PKP1: variants seen among roughly 807,000 people sequenced by gnomAD.
PKP1 encodes plakophilin 1.
In PKP1, 27 loss-of-function variants were observed where a neutral mutation model predicts 76.4. The ratio of observed to expected loss-of-function variants is 0.35; its 90% CI spans 0.26 to 0.49. PKP1 has a LOEUF of 0.49. Ranked by LOEUF, PKP1 falls within the 20% of genes least tolerant of loss-of-function variation. PKP1 has a pLI of 0.99. For missense variants in PKP1, 964 were observed against 955.2 expected (o/e 1.01, Z -0.12); for synonymous variants, 404 against 384.2 (o/e 1.05, Z -0.60).
chr1:201,324,500 T>A lies in PKP1; in HGVS notation c.1753T>A (p.Ser585Thr). The A allele has an allele frequency of 6.2e-7, 1 of 1,614,134 alleles. No individual in the cohort carries two copies. The highest frequency in any genetic ancestry group is 1.1e-5 in the South Asian group (1 of 91,074). ...GLPQIARLLQ[S>T]GNSDVVRSGA... ...GCCACAAATTGCCCGCCTCCTGCAA[T>A]CTGGCAACTCTGATGTGGTGCGGTC... The change falls in exon 10 of 14, where the codon TCT (serine) becomes ACT (threonine). Residue 585 changes from serine to threonine, a missense_variant. Transcript: ENST00000367324.
intron 12 of PKP1, chr1:201,328,331 CT>C: frequency 3.2e-6 from 1 of 315,536 alleles, no homozygotes. Context: ...CCCCCTGCTC[CT>C]GTGTTTGAGA....
Position 201,324,965 on chromosome 1 carries a change from C to T in PKP1, c.1859C>T (p.Thr620Ile), listed in dbSNP as rs777930312. 1.5e-5 allele frequency: 25 copies of T among 1,613,592 alleles called. No homozygotes were observed. The Middle Eastern group carries it at 5.0e-4, about 32-fold the overall frequency. ...GGGAACCAGGTGTTCCCGGAGGTGACCAGGCTCCTCACCAGCCACACTGGC... is the reference window on the plus strand; with the variant it reads ...GGGAACCAGGTGTTCCCGGAGGTGATCAGGCTCCTCACCAGCCACACTGGC... ...VMGNQVFPEV[T>I]RLLTSHTGNT... Residue 620 changes from threonine to isoleucine, a missense_variant, in exon 11 of 14, where the codon ACC becomes ATC. Transcript: ENST00000367324.
chr1:201,320,658 C>T (rs186779612), intron 7 of PKP1, among the ~76,000 whole-genome samples: 315 of 152,358 alleles, frequency 2.1e-3, no homozygotes, highest in African/African-American at 7.4e-3. Context: ...TGGAAAGGGT[C>T]ATAATCATAT....
chr1:201,294,172 C>T, intron 2 of PKP1, 127 bp downstream of exon 2: 1 of 724,122 alleles, frequency 1.4e-6, no homozygotes, highest in South Asian at 1.5e-5. Flanking sequence ...AGTTGAGGCT[C>T]ATCAACTCTG....
intron 1 of PKP1, among the ~76,000 whole-genome samples, chr1:201,287,860 A>C (rs900576828): frequency 6.6e-6 from 1 of 152,242 alleles, no homozygotes; most frequent in African/African-American, 2.4e-5. Context: ...AAGATGTGTA[A>C]TGTTTGAACA....
chr1:201,322,252 G>A (rs1263504757), intron 8 of PKP1, 119 bp downstream of exon 8: 35 of 1,127,338 alleles, frequency 3.1e-5, no homozygotes, highest in South Asian at 1.5e-4. Context: ...TAAGGGACAG[G>A]CCCATGCTGA....
Position 201,283,779 on chromosome 1 carries a change from C to G in PKP1, c.77C>G (p.Pro26Arg). ...CAGGACAACTCCACGTTGGCTTTGC[C>G]GTCGGACCAAAAGATGAAAACAGGC... is the stretch of plus-strand genomic sequence containing the variant. ...QDQDNSTLAL[P>R]SDQKMKTGTS... Residue 26 changes from proline to arginine, a missense_variant, in exon 1 of 14, where the codon CCG (proline) becomes CGG (arginine). By Grantham distance (103) the Pro-to-Arg change is moderately radical. Coordinates refer to ENST00000367324, the MANE Select transcript of PKP1 (RefSeq NM_001005337.3). 6.2e-7 allele frequency: 1 copy of G among 1,614,174 alleles called. No homozygotes were observed. Among genetic ancestry groups the G allele is most frequent in the Non-Finnish European group, 8.5e-7 (1 of 1,180,006 alleles).
intron 12 of PKP1, among the ~76,000 whole-genome samples, chr1:201,328,106 T>G (rs1657205488): frequency 6.6e-6 from 1 of 152,202 alleles, no homozygotes; most frequent in Non-Finnish European, 1.5e-5. Flanking sequence ...AGCAGGACCC[T>G]CTTTTCAAGG....
chr1:201,323,933 C>A (rs904026733), intron 9 of PKP1, among the ~76,000 whole-genome samples: 1 of 152,118 alleles, frequency 6.6e-6, no homozygotes, highest in African/African-American at 2.4e-5. Context: ...CCATGTGGGC[C>A]CAGACCCTTT....
chr1:201,319,979 A>C, intron 6 of PKP1: 1 of 1,284,968 alleles, frequency 7.8e-7, no homozygotes, highest in East Asian at 2.3e-5. Context: ...AACTGAGTGC[A>C]AATGAGACCT....
rs554744943 is a variant in PKP1, at chr1:201,322,180, C to G, written c.1503+47C>G. The G allele has an allele frequency of 8.0e-5, 127 of 1,594,638 alleles. 1 individual carries two copies. The South Asian group carries it at 1.2e-3, about 15-fold the overall frequency. On this transcript the variant is annotated intron_variant, in intron 8 of 13. Transcript: ENST00000367324. ...CGGGGCCTGCCCCATCAAGCACCCCCCCAGGAGCCACTGCCTCATCTGCCC... is the reference window on the plus strand; with the variant it reads ...CGGGGCCTGCCCCATCAAGCACCCCGCCAGGAGCCACTGCCTCATCTGCCC...
chr1:201,300,151 G>A (rs1333346382), intron 2 of PKP1, among the ~76,000 whole-genome samples: 4 of 152,058 alleles, frequency 2.6e-5, no homozygotes, highest in Non-Finnish European at 5.9e-5. Flanking sequence ...TACTTGCCAA[G>A]GGACAGAATG....
rs772225565 is a variant in PKP1, at chr1:201,284,021, C to A, written c.202+117C>A. 476 of 963,404 alleles carry A rather than the reference C, an allele frequency of 4.9e-4. 1 individual carries two copies. Among genetic ancestry groups the A allele is most frequent in the Non-Finnish European group, 7.3e-4 (449 of 617,482 alleles). The allele number at this position is 963,404 out of a possible 1,614,324, so 59.7% of individuals were successfully genotyped here. ...ATGAGGGGAGGCGAGGGGCTGCCGGCCCCAGGCAGGGTCTACGCACCTAGT... is the reference window on the plus strand; with the variant it reads ...ATGAGGGGAGGCGAGGGGCTGCCGGACCCAGGCAGGGTCTACGCACCTAGT... On this transcript the variant is annotated intron_variant, in intron 1 of 13. Coordinates refer to ENST00000367324, the MANE Select transcript of PKP1 (RefSeq NM_001005337.3).
rs1312625224 is a variant in PKP1, at chr1:201,313,550, G to A, written c.691G>A (p.Ala231Thr). Reference protein sequence around the residue: ...NKDLSFGHSRASSKICSEDIE... With the variant: ...NKDLSFGHSRTSSKICSEDIE... Reference sequence around the variant, plus strand: ...GGACCTGTCCTTTGGCCACTCTAGGGCCAGCTCCAAGTGAGTGCTGCTGGG... The same window carrying A: ...GGACCTGTCCTTTGGCCACTCTAGGACCAGCTCCAAGTGAGTGCTGCTGGG... The change falls in exon 3 of 14, where the codon GCC becomes ACC. Residue 231 changes from alanine (A) to threonine (T), a missense_variant. Coordinates refer to ENST00000367324, the MANE Select transcript of PKP1 (RefSeq NM_001005337.3). The A allele has an allele frequency of 6.2e-7, 1 of 1,612,880 alleles. No homozygotes were observed. The highest frequency in any genetic ancestry group is 8.5e-7 in the Non-Finnish European group (1 of 1,179,182).
intron 2 of PKP1, among the ~76,000 whole-genome samples, chr1:201,304,571 A>G (rs6678155): frequency 6.6e-5 from 10 of 152,192 alleles, no homozygotes; most frequent in Non-Finnish European, 1.3e-4. Flanking sequence ...CACTTCTTAA[A>G]TGTCTTCAAG....
chr1:201,330,496 G>A lies in PKP1; in HGVS notation c.*455G>A, dbSNP rs372822124. 3 of 152,300 alleles carry A rather than the reference G, an allele frequency of 2.0e-5. 1 individual carries two copies. Among genetic ancestry groups the A allele is most frequent in the Admixed American group, 6.5e-5 (1 of 15,302 alleles). The allele number at this position is 152,300 out of a possible 1,614,324, so 9.4% of individuals were successfully genotyped here. ...TCCTGTGTTTCTTACTCATAGGCAA[G>A]GACAACATGTGCTTTTTGGTGAGCT... On this transcript the variant is annotated 3_prime_UTR_variant, in exon 14 of 14. Coordinates refer to ENST00000367324, the MANE Select transcript of PKP1 (RefSeq NM_001005337.3).
At position 201,323,035 on chromosome 1, in the gene PKP1, T is replaced by A; in HGVS notation, c.1526T>A (p.Leu509Gln). The A allele has an allele frequency of 6.2e-7, 1 of 1,614,096 alleles. No individual in the cohort carries two copies. Among genetic ancestry groups the A allele is most frequent in the Non-Finnish European group, 8.5e-7 (1 of 1,180,010 alleles). Residue 509 changes from leucine to glutamine, a missense_variant, in exon 9 of 14, where the codon CTG becomes CAG. Leu to Gln is a moderately radical substitution (Grantham distance 113). Coordinates refer to ENST00000367324, the MANE Select transcript of PKP1 (RefSeq NM_001005337.3). ...CAGAACAACAACTATGACTGCCCCC[T>A]GCCTGAGGAAGAGACCAACCCCAAG... ...KMMNNNYDCPLPEEETNPKGS... is the reference protein window; with the variant it reads ...KMMNNNYDCPQPEEETNPKGS...
intron 2 of PKP1, among the ~76,000 whole-genome samples, chr1:201,308,224 A>G (rs1030516573): frequency 1.3e-5 from 2 of 152,170 alleles, no homozygotes; most frequent in African/African-American, 4.8e-5. Flanking sequence ...CCCTGCCTAG[A>G]ACGGCCCTAC....
chr1:201,300,300 A>G (rs1320452877), intron 2 of PKP1, among the ~76,000 whole-genome samples: 1 of 152,328 alleles, frequency 6.6e-6, no homozygotes, highest in Admixed American at 6.5e-5. Flanking sequence ...ATTAAACTGA[A>G]GGAGAAGCCT....
Sources: allele counts gnomAD v4.1 joint callset (sites outside exome capture counted in the v4.1 genomes callset), GRCh38; gene constraint gnomAD v4.1.1; transcripts MANE v1.5; gene names NCBI Gene and HGNC (gene_info 2026-07-23, HGNC 2026-07-21).